GATA4: variants seen among roughly 807,000 people sequenced by gnomAD.
GATA4 encodes the protein GATA binding protein 4.
GATA4 carries 7 observed loss-of-function variants against 37.9 expected under a neutral mutation model. That is an observed-to-expected ratio of 0.18 (90% confidence interval 0.11 to 0.35). The LOEUF is 0.35. Among genes scored for constraint, GATA4 ranks in the 10% least tolerant of loss-of-function variants. The pLI is 1.00. For missense variants in GATA4, 647 were observed against 653.0 expected (o/e 0.99, Z 0.10); for synonymous variants, 372 against 292.6 (o/e 1.27, Z -2.77).
chr8:11,735,686 C>A (rs1461376398), intron 2 of GATA4, among the ~76,000 whole-genome samples: 1 of 152,158 alleles, frequency 6.6e-6, no homozygotes, highest in Non-Finnish European at 1.5e-5. Context: ...CTTCAGCCTC[C>A]CCAGTAGCTG....
intron 1 of GATA4, chr8:11,693,180 G>C (rs1365213111): frequency 4.0e-6 from 3 of 744,340 alleles, no homozygotes; most frequent in African/African-American, 3.8e-5. Flanking sequence ...GAAATGATTC[G>C]GCAAGCTGGG....
chr8:11,713,822 T>G (rs949557479), intron 2 of GATA4, among the ~76,000 whole-genome samples: 1 of 152,186 alleles, frequency 6.6e-6, no homozygotes, highest in African/African-American at 2.4e-5. Context: ...GCTCTGCGGA[T>G]AGTTCTTGCC....
chr8:11,725,683 C>G (rs533907994), intron 2 of GATA4, among the ~76,000 whole-genome samples: 1 of 152,254 alleles, frequency 6.6e-6, no homozygotes, highest in Non-Finnish European at 1.5e-5. Flanking sequence ...TGCTGCCTGC[C>G]TGTCGTGGCA....
At chr8:11,744,062 G>T (rs115855074) in intron 2 of GATA4, among the ~76,000 whole-genome samples, 1 of 152,188 alleles carries the variant, frequency 6.6e-6, no homozygotes, top group Non-Finnish European at 1.5e-5. Flanking sequence ...CTTGCTGTCA[G>T]TTGGTTCCTG....
At chr8:11,754,794 T>C (rs987945031) in intron 4 of GATA4, among the ~76,000 whole-genome samples, 10 of 152,214 alleles carry the variant, frequency 6.6e-5, no homozygotes, top group African/African-American at 2.4e-4. Context: ...AGGAGCTGTG[T>C]GTCTTTAGTT....
rs774926374 is a variant in GATA4, at chr8:11,750,128, G to A, written c.804G>A (p.Val268=). The A allele has an allele frequency of 2.5e-6, 4 of 1,613,966 alleles. No homozygotes were observed. The East Asian group carries it at 8.9e-5, about 36-fold the overall frequency. The change falls in exon 4 of 7, where the codon GTG becomes GTA. Residue 268 remains valine (V), a synonymous_variant. Transcript: ENST00000532059. The part of the protein sequence containing the change: ...PQRRLSASRR[V]GLSCANCQTT... ...TCTTGCAGTCCGCCTCCCGCCGAGT[G>A]GGCCTCTCCTGTGCCAACTGCCAGA...
chr8:11,726,837 G>A (rs1475414029), intron 2 of GATA4, among the ~76,000 whole-genome samples: 1 of 152,166 alleles, frequency 6.6e-6, no homozygotes, highest in Admixed American at 6.5e-5. Flanking sequence ...AAGGCCCCCT[G>A]CCATCTTTAC....
upstream of GATA4, among the ~76,000 whole-genome samples, chr8:11,687,781 C>G (rs1799186406): frequency 6.6e-6 from 1 of 152,090 alleles, no homozygotes; most frequent in African/African-American, 2.4e-5. Flanking sequence ...ATGGCTCTGA[C>G]AGGTTTTATT....
intron 1 of GATA4, chr8:11,681,221 T>A: frequency 1.0e-6 from 1 of 985,106 alleles, no homozygotes; most frequent in Non-Finnish European, 1.2e-6. Context: ...AGGCAGAGAT[T>A]TCTCGACGTT....
intron 1 of GATA4, among the ~76,000 whole-genome samples, chr8:11,684,324 C>T (rs572145125): frequency 6.6e-6 from 1 of 152,302 alleles, no homozygotes; most frequent in Non-Finnish European, 1.5e-5. Context: ...GCTGGGTGAC[C>T]TTGAGTAAGT....
chr8:11,694,850 T>C (rs1477116206), intron 1 of GATA4, among the ~76,000 whole-genome samples: 1 of 152,176 alleles, frequency 6.6e-6, no homozygotes, highest in East Asian at 1.9e-4. Context: ...CCTCTCTCTC[T>C]CTCTGTCTCT....
chr8:11,697,980 CAT>C, intron 1 of GATA4: 3 of 985,486 alleles, frequency 3.0e-6, no homozygotes, highest in Non-Finnish European at 3.6e-6. Flanking sequence ...GTGTCCCTAC[CAT>C]AACCACTGTC....
chr8:11,758,984 C>G lies in GATA4; in HGVS notation c.*509C>G, dbSNP rs1371550780. 9.4e-6 allele frequency: 2 copies of G among 212,124 alleles called. No individual in the cohort carries two copies. Among genetic ancestry groups the G allele is most frequent in the African/African-American group, 2.3e-5 (1 of 43,700 alleles). 13.1% of individuals were successfully genotyped at this position (212,124 alleles called of 1,614,324 possible). A position where few individuals can be genotyped will look rare whatever the true frequency, so the allele number is the denominator to read the frequency against. ...CCTGCATCCCTAATACCAAATCTGA[C>G]TCCAAAATTGTGGGGTGTGACATAC... On this transcript the variant is annotated 3_prime_UTR_variant, in exon 7 of 7. Coordinates refer to ENST00000532059, the MANE Select transcript of GATA4 (RefSeq NM_001308093.3).
In GATA4 at chr8:11,750,095, G is replaced by A. The variant is rs201533584; in HGVS notation, c.787-16G>A. 2.9e-5 allele frequency: 47 copies of A among 1,614,064 alleles called. No homozygotes were observed. The East Asian group carries it at 8.2e-4, about 28-fold the overall frequency. ...CCTTTTACTTGGACATGAAGCATTT[G>A]TTTCCTGTCTTGCAGTCCGCCTCCC... On this transcript the variant is annotated splice_polypyrimidine_tract_variant and intron_variant, in intron 3 of 6. Transcript: ENST00000532059.
chr8:11,679,392 C>A (rs1052206148), intron 1 of GATA4, among the ~76,000 whole-genome samples: 3 of 152,186 alleles, frequency 2.0e-5, no homozygotes, highest in Non-Finnish European at 4.4e-5. Context: ...GGAGGGCGTG[C>A]GCCGCGGGAC....
At chr8:11,693,806 A>T (rs1218333787) in intron 1 of GATA4, among the ~76,000 whole-genome samples, 1 of 152,064 alleles carries the variant, frequency 6.6e-6, no homozygotes, top group African/African-American at 2.4e-5. Flanking sequence ...TTGGCATCGA[A>T]TGTGTGAAAA....
In GATA4 at chr8:11,709,077, C is replaced by G; in HGVS notation, c.616+149C>G. On this transcript the variant is annotated intron_variant, in intron 2 of 6. Transcript: ENST00000532059. This position sits in a 1 kb window ranked among gnomAD's most constrained non-coding sequence, Gnocchi z 4.3. The stretch of plus-strand genomic sequence containing the variant: ...TCGAGTTTCTAGGGAAGGCAGAAGC[C>G]AGTGCGGGGCTGGCGACATCACAGC... The G allele has an allele frequency of 1.2e-6, 1 of 854,956 alleles. No individual in the cohort carries two copies. Among genetic ancestry groups the G allele is most frequent in the Non-Finnish European group, 1.7e-6 (1 of 602,480 alleles). The allele number at this position is 854,956 out of a possible 1,614,324, so 53.0% of individuals were successfully genotyped here. A position where few individuals can be genotyped will look rare whatever the true frequency, so the allele number is the denominator to read the frequency against.
upstream of GATA4, chr8:11,691,941 C>G (rs897601307): frequency 1.1e-6 from 1 of 886,318 alleles, no homozygotes; most frequent in African/African-American, 1.8e-5. Context: ...AAAACCACTT[C>G]AGACCATAAA....
chr8:11,677,491 C>A lies in GATA4; in HGVS notation c.-274+428C>A, dbSNP rs182917580. 3.3e-5 allele frequency among the ~76,000 whole-genome samples: 5 copies of A among 152,262 alleles called. No individual in the cohort carries two copies. In the East Asian group the frequency reaches 9.7e-4, roughly 29 times the overall value. On this transcript the variant is annotated intron_variant, in intron 1 of 6. Coordinates refer to the GATA4 transcript ENST00000528712. ...AATCAAATGGATCTGACCAGGTATC[C>A]CAGGACCATCTGGCCTCTGCTTCCT... is the stretch of plus-strand genomic sequence containing the variant.
Sources: allele counts gnomAD v4.1 joint callset (sites outside exome capture counted in the v4.1 genomes callset), GRCh38; gene constraint gnomAD v4.1.1; non-coding constraint Gnocchi (gnomAD v3.1); transcripts MANE v1.5; gene names NCBI Gene and HGNC (gene_info 2026-07-23, HGNC 2026-07-21).